Variants in GABRA5 observed in about 807,000 individuals in gnomAD.
GABRA5 encodes gamma-aminobutyric acid receptor subunit alpha-5.
In GABRA5, 18 loss-of-function variants were observed where a neutral mutation model predicts 47.3. That is an observed-to-expected ratio of 0.38 (90% CI 0.26 to 0.56). The LOEUF (loss-of-function observed/expected upper bound fraction) is 0.56. Ranked by LOEUF, GABRA5 falls within the 20% of genes least tolerant of loss-of-function variation. The pLI is 0.71. For missense variants in GABRA5, 365 were observed against 599.3 expected (o/e 0.61, Z 4.08); for synonymous variants, 237 against 229.3 (o/e 1.03, Z -0.30).
At chr15:26,895,723 G>C (rs925428981) in intron 6 of GABRA5, among the ~76,000 whole-genome samples, 1 of 150,672 alleles carries the variant, frequency 6.6e-6, no homozygotes, top group Non-Finnish European at 1.5e-5. Context: ...GGAGGCAGGA[G>C]AATCGCTTGA....
At chr15:26,915,966 A>C (rs1893708003) in intron 7 of GABRA5, among the ~76,000 whole-genome samples, 1 of 152,202 alleles carries the variant, frequency 6.6e-6, no homozygotes, top group Non-Finnish European at 1.5e-5. Context: ...ATAAAAGTTC[A>C]TTATATTTAT....
chr15:26,886,520 C>T (rs1892883629), intron 6 of GABRA5, among the ~76,000 whole-genome samples: 1 of 152,156 alleles, frequency 6.6e-6, no homozygotes, highest in African/African-American at 2.4e-5. Flanking sequence ...AACCAGGTGA[C>T]ACTGTGACCA....
chr15:26,937,140 G>A, intron 7 of GABRA5, 45 bp from the exon 8 acceptor site: 2 of 1,607,820 alleles, frequency 1.2e-6, no homozygotes, highest in East Asian at 2.2e-5. Context: ...TCCAGGCTGG[G>A]AATGATTTCA....
At position 26,912,021 on chromosome 15, in the gene GABRA5, G is replaced by A. The variant is rs568182815; in HGVS notation, c.498-2782G>A. ...TTGAGGTCTTCAGTAGCACAGCTGGGCTAAGACAGTCAGGTCACTTGAAAC... is the reference window on the plus strand; with the variant it reads ...TTGAGGTCTTCAGTAGCACAGCTGGACTAAGACAGTCAGGTCACTTGAAAC... On this transcript the variant is annotated intron_variant, in intron 6 of 10. Transcript: ENST00000335625. 3.9e-5 allele frequency among the ~76,000 whole-genome samples: 6 copies of A among 152,232 alleles called. No homozygotes were observed. The East Asian group carries it at 1.2e-3, about 29-fold the overall frequency.
intron 7 of GABRA5, among the ~76,000 whole-genome samples, chr15:26,927,223 C>T (rs985990750): frequency 2.6e-5 from 4 of 151,934 alleles, no homozygotes; most frequent in African/African-American, 9.7e-5. Context: ...CCTGCCTCAG[C>T]CTCCCAACTA....
At position 26,942,607 on chromosome 15, in the gene GABRA5, G is replaced by A. The variant is rs537536883; in HGVS notation, c.878-608G>A. ...GATCTTGCCTTAGTGCTGCAGAATC[G>A]TATCACTCACTCTACACGTCTTTGT... is the stretch of plus-strand genomic sequence containing the variant. On this transcript the variant is annotated intron_variant, in intron 9 of 10. Transcript: ENST00000335625. 2.6e-5 allele frequency among the ~76,000 whole-genome samples: 4 copies of A among 152,262 alleles called. No individual in the cohort carries two copies. In the East Asian group the frequency reaches 7.7e-4, roughly 29 times the overall value.
intron 7 of GABRA5, among the ~76,000 whole-genome samples, chr15:26,918,164 CT>C (rs1221816644): frequency 7.3e-4 from 111 of 152,124 alleles, no homozygotes; most frequent in African/African-American, 2.6e-3. Context: ...CTTGGTGCTG[CT>C]TTTCTTAGAT....
intron 6 of GABRA5, among the ~76,000 whole-genome samples, chr15:26,907,859 A>C (rs897310981): frequency 6.6e-6 from 1 of 152,228 alleles, no homozygotes; most frequent in African/African-American, 2.4e-5. Flanking sequence ...GTGCCTAACT[A>C]CAGGTATACA....
intron 9 of GABRA5, among the ~76,000 whole-genome samples, chr15:26,940,527 C>G (rs772817534): frequency 4.0e-5 from 6 of 150,310 alleles, no homozygotes; most frequent in Non-Finnish European, 8.8e-5. Flanking sequence ...TTTCTTTGAG[C>G]ATTACGTCGG....
chr15:26,910,686 A>G (rs1318202043), intron 6 of GABRA5, among the ~76,000 whole-genome samples: 2 of 152,168 alleles, frequency 1.3e-5, no homozygotes, highest in Non-Finnish European at 2.9e-5. Flanking sequence ...TGAATGCTTG[A>G]ATGTCTTAAC....
At chr15:26,931,559 G>A (rs960280004) in intron 7 of GABRA5, among the ~76,000 whole-genome samples, 3 of 152,186 alleles carry the variant, frequency 2.0e-5, no homozygotes, top group Non-Finnish European at 2.9e-5. Context: ...GGTGTGTTAA[G>A]CATTCAGCAC....
intron 9 of GABRA5, 125 bp downstream of exon 9, chr15:26,940,202 A>G (rs1400269045): frequency 1.3e-6 from 1 of 752,910 alleles, no homozygotes; most frequent in Non-Finnish European, 2.2e-6. Context: ...CCTGGAAAAG[A>G]AATTGACCCA....
At chr15:26,889,047 A>G (rs1030665895) in intron 6 of GABRA5, among the ~76,000 whole-genome samples, 3 of 152,240 alleles carry the variant, frequency 2.0e-5, no homozygotes, top group Non-Finnish European at 1.5e-5. Flanking sequence ...ACATTTTTAC[A>G]TTGTAGTAGA....
chr15:26,910,797 C>T (rs534793954), intron 6 of GABRA5, among the ~76,000 whole-genome samples: 11 of 152,012 alleles, frequency 7.2e-5, no homozygotes, highest in African/African-American at 2.4e-4. Flanking sequence ...AGTTTCTTAA[C>T]CTTTTGGGCT....
chr15:26,916,704 G>A (rs1353406256), intron 7 of GABRA5, among the ~76,000 whole-genome samples: 1 of 151,982 alleles, frequency 6.6e-6, no homozygotes, highest in Non-Finnish European at 1.5e-5. Context: ...ATCCATGAAC[G>A]AGTGGCATCT....
chr15:26,937,524 C>T (rs1292018433), intron 8 of GABRA5, among the ~76,000 whole-genome samples, 196 bp downstream of exon 8: 1 of 152,208 alleles, frequency 6.6e-6, no homozygotes. Context: ...TCCTCCCAGC[C>T]TGCCCCTCCC....
intron 3 of GABRA5, among the ~76,000 whole-genome samples, chr15:26,872,991 G>A (rs1892509341): frequency 1.3e-5 from 2 of 152,154 alleles, no homozygotes; most frequent in African/African-American, 4.8e-5. Context: ...ATTTGCAATA[G>A]TCTTCCTAAT....
intron 6 of GABRA5, among the ~76,000 whole-genome samples, chr15:26,898,821 A>G (rs903472477): frequency 6.6e-6 from 1 of 151,764 alleles, no homozygotes; most frequent in African/African-American, 2.4e-5. Context: ...GTGGGCATTC[A>G]GAGCTATAAA....
At chr15:26,902,317 TAG>T (rs1248781553) in intron 6 of GABRA5, among the ~76,000 whole-genome samples, 1 of 152,134 alleles carries the variant, frequency 6.6e-6, no homozygotes, top group East Asian at 1.9e-4. Context: ...TTTATTTTAT[TAG>T]AGTTTTCTTG....
Sources: allele counts gnomAD v4.1 joint callset (sites outside exome capture counted in the v4.1 genomes callset), GRCh38; gene constraint gnomAD v4.1.1; transcripts MANE v1.5; gene names NCBI Gene and HGNC (gene_info 2026-07-23, HGNC 2026-07-21).